ZNF708: variants seen among roughly 807,000 people sequenced by gnomAD.
ZNF708 encodes zinc finger protein 708, also known as ZNF15, ZNF15L1.
ZNF708 carries 44 observed loss-of-function variants against 47.0 expected under a neutral mutation model. That is an observed-to-expected ratio of 0.94 (90% CI 0.74 to 1.20). The LOEUF is 1.20. ZNF708 is among the 50% of genes most tolerant of loss of function. The pLI is 0.00. For missense variants in ZNF708, 557 were observed against 656.0 expected, an observed-to-expected ratio of 0.85 and a Z score of 1.65; for synonymous variants, 184 against 218.5, an observed-to-expected ratio of 0.84 and a Z score of 1.39.
At chr19:21,320,719 A>G (rs1048534488) in intron 1 of ZNF708, among the ~76,000 whole-genome samples, 6 of 151,374 alleles carry the variant, frequency 4.0e-5, no homozygotes, top group Admixed American at 6.6e-5. Flanking sequence ...AAAAGATCTA[A>G]TAAAAACAAA....
Position 21,316,678 on chromosome 19 carries a change from G to T in ZNF708, c.4-6051C>A, listed in dbSNP as rs531874517. ...CTGATGACAGGAGTCCCTGAGGCTG[G>T]GCACGGTGGCTCACGCCTGTAATCC... On this transcript the variant is annotated intron_variant, in intron 1 of 3. Coordinates refer to ENST00000356929, the MANE Select transcript of ZNF708 (RefSeq NM_021269.3). Among the ~76,000 whole-genome samples the T allele has an allele frequency of 1.8e-4, 27 of 152,270 alleles. No homozygotes were observed. In the South Asian group the frequency reaches 5.2e-3, roughly 29 times the overall value.
chr19:21,299,655 C>A (rs1165571496), intron 3 of ZNF708, among the ~76,000 whole-genome samples: 1 of 151,420 alleles, frequency 6.6e-6, no homozygotes, highest in East Asian at 2.0e-4. Flanking sequence ...CACCTGTAAT[C>A]CCAGCTACTC....
intron 2 of ZNF708, among the ~76,000 whole-genome samples, 199 bp downstream of exon 2, chr19:21,310,302 G>A (rs767286960): frequency 4.0e-5 from 6 of 151,478 alleles, no homozygotes; most frequent in South Asian, 2.1e-4. Flanking sequence ...AAAATTAGCC[G>A]GGCATGGTGG....
chr19:21,297,475 T>C (rs1438914822), intron 3 of ZNF708, among the ~76,000 whole-genome samples: 3 of 149,814 alleles, frequency 2.0e-5, no homozygotes, highest in African/African-American at 2.4e-5. Context: ...AATATCTGTA[T>C]AGATACATAA....
At chr19:21,312,802 C>T (rs1013811444) in intron 1 of ZNF708, among the ~76,000 whole-genome samples, 1 of 152,216 alleles carries the variant, frequency 6.6e-6, no homozygotes, top group Admixed American at 6.5e-5. Flanking sequence ...CCCTTACACT[C>T]AGCACTCTTG....
Position 21,293,999 on chromosome 19 carries a change from G to GGT in ZNF708, c.965_966dup (p.Leu323ThrfsTer35), listed in dbSNP as rs766623098. 1 of 1,612,944 alleles carries GGT rather than the reference G, an allele frequency of 6.2e-7. No homozygotes were observed. The highest frequency in any genetic ancestry group is 8.5e-7 in the Non-Finnish European group (1 of 1,179,398). On this transcript the variant is annotated frameshift_variant, in exon 4 of 4. Coordinates refer to ENST00000356929, the MANE Select transcript of ZNF708 (RefSeq NM_021269.3). LOFTEE classifies it high-confidence loss of function. ...GTATGAATCCTCTTATGTGTAGTAA[G>GGT]GTGTGAAGATAGGGTAAAGGCTTTG...
intron 3 of ZNF708, among the ~76,000 whole-genome samples, chr19:21,303,996 T>C (rs1972710988): frequency 6.6e-6 from 1 of 152,086 alleles, no homozygotes; most frequent in Non-Finnish European, 1.5e-5. Context: ...CCATTTGCCA[T>C]AATAAATAAG....
rs1973329958 is a variant in ZNF708, at chr19:21,329,359, G to C, written c.-147C>G. 1 of 1,318,604 alleles carries C rather than the reference G, an allele frequency of 7.6e-7. No homozygotes were observed. The allele number at this position is 1,318,604 out of a possible 1,614,324, so 81.7% of individuals were successfully genotyped here. A position where few individuals can be genotyped will look rare whatever the true frequency, so the allele number is the denominator to read the frequency against. ...AGCTCCGGCTGCAGCAAGAGACAAA[G>C]GCCGCGCCAAACCCGGAAGCCGCCC... On this transcript the variant is annotated 5_prime_UTR_variant, in exon 1 of 4. Coordinates refer to ENST00000356929, the MANE Select transcript of ZNF708 (RefSeq NM_021269.3).
intron 3 of ZNF708, among the ~76,000 whole-genome samples, chr19:21,303,918 T>C (rs189714304): frequency 1.3e-5 from 2 of 152,104 alleles, no homozygotes; most frequent in African/African-American, 2.4e-5. Context: ...AGCTGCAAAA[T>C]ATATAAAGCA....
Position 21,325,306 on chromosome 19 carries a change from T to C in ZNF708, c.3+3904A>G, listed in dbSNP as rs181891563. On this transcript the variant is annotated intron_variant, in intron 1 of 3. Transcript: ENST00000356929. ...AATCTGGAGGCATAACATTACCTGA[T>C]TTCAAACTACACTATAAGGCCATAG... Among the ~76,000 whole-genome samples, 100 of 152,280 alleles carry C rather than the reference T, an allele frequency of 6.6e-4. No homozygotes were observed. The Middle Eastern group carries it at 0.024, about 36-fold the overall frequency.
chr19:21,315,071 G>A (rs1184638675), intron 1 of ZNF708, among the ~76,000 whole-genome samples: 1 of 152,162 alleles, frequency 6.6e-6, no homozygotes, highest in East Asian at 1.9e-4. Context: ...ACATTTTACA[G>A]GCAGGTATAG....
At chr19:21,302,589 C>G (rs951088960) in intron 3 of ZNF708, among the ~76,000 whole-genome samples, 4 of 151,884 alleles carry the variant, frequency 2.6e-5, no homozygotes, top group African/African-American at 7.3e-5. Context: ...AGCCCAGGTA[C>G]TTGGGAGGCT....
intron 3 of ZNF708, among the ~76,000 whole-genome samples, chr19:21,305,044 C>T (rs1972732009): frequency 6.6e-6 from 1 of 151,832 alleles, no homozygotes. Flanking sequence ...TGGAGTCTCG[C>T]TCTGTTGCCA....
chr19:21,315,668 G>C (rs1354753734), intron 1 of ZNF708, among the ~76,000 whole-genome samples: 1 of 152,144 alleles, frequency 6.6e-6, no homozygotes, highest in Non-Finnish European at 1.5e-5. Flanking sequence ...GAGGCGCATA[G>C]AGTGGGTTGA....
In ZNF708 at chr19:21,291,382, T is replaced by C. The variant is rs1302985176; in HGVS notation, c.*1892A>G. 2 of 151,894 alleles carry C rather than the reference T, an allele frequency of 1.3e-5. No individual in the cohort carries two copies. Among genetic ancestry groups the C allele is most frequent in the Admixed American group, 1.3e-4 (2 of 15,248 alleles). 9.4% of individuals were successfully genotyped at this position (151,894 alleles called of 1,614,324 possible). On this transcript the variant is annotated 3_prime_UTR_variant, in exon 4 of 4. Coordinates refer to ENST00000356929, the MANE Select transcript of ZNF708 (RefSeq NM_021269.3). The stretch of plus-strand genomic sequence containing the variant: ...TGTTACATTTTAATGTCCTTACTCT[T>C]CCAAAGAAAAGGTCATAAATAATGC...
At chr19:21,320,913 G>A (rs780376045) in intron 1 of ZNF708, among the ~76,000 whole-genome samples, 7 of 151,940 alleles carry the variant, frequency 4.6e-5, no homozygotes, top group Non-Finnish European at 8.8e-5. Context: ...AGGCCGAGGC[G>A]GGTGGATCAC....
At position 21,294,737 on chromosome 19, in the gene ZNF708, T is replaced by C. The variant is rs878929942; in HGVS notation, c.229A>G (p.Met77Val). 3.8e-6 allele frequency: 6 copies of C among 1,567,634 alleles called. No homozygotes were observed. The South Asian group carries it at 4.8e-5, about 13-fold the overall frequency. The change falls in exon 4 of 4, where the codon ATG becomes GTG. Residue 77 changes from methionine to valine, a missense_variant and splice_region_variant. Physicochemically the swap from Met to Val is conservative, Grantham distance 21 (BLOSUM62 1). Coordinates refer to ENST00000356929, the MANE Select transcript of ZNF708 (RefSeq NM_021269.3). ...RHEMAAKPPA[M>V]CSHFAKDLRP... ...AGGTCTTTGGCAAAATGAGAACACA[T>C]AGCTGAAAGAAATAAAAATAACAAA... is the stretch of plus-strand genomic sequence containing the variant.
chr19:21,309,365 G>T (rs192863348), intron 2 of ZNF708, 24 bp from the exon 3 acceptor site: 268 of 1,542,826 alleles, frequency 1.7e-4, no homozygotes, highest in Admixed American at 3.8e-4. Context: ...AATAAATAAC[G>T]TGAATCTTGC....
chr19:21,321,699 GAAA>G (rs1325054401), intron 1 of ZNF708, among the ~76,000 whole-genome samples: 20 of 142,626 alleles, frequency 1.4e-4, no homozygotes, highest in Admixed American at 1.4e-4. Flanking sequence ...AACAAAGAAA[GAAA>G]GAAAGGAAGG....
Sources: gnomAD v4.1 joint callset for allele counts (sites outside exome capture counted in the v4.1 genomes callset) on GRCh38, gnomAD v4.1.1 for gene constraint, MANE v1.5 for transcripts, NCBI Gene and HGNC (gene_info 2026-07-23, HGNC 2026-07-21) for gene names.